SLC2A12: variants seen among roughly 807,000 people sequenced by gnomAD.
The protein encoded by SLC2A12 is solute carrier family 2, facilitated glucose transporter member 12.
In SLC2A12, 23 loss-of-function variants were observed where a neutral mutation model predicts 41.8. That is an observed-to-expected ratio of 0.55 (90% CI 0.40 to 0.78). SLC2A12 has a LOEUF of 0.78. SLC2A12 is among the 30% of genes least tolerant of loss of function. The pLI is 0.00. For synonymous variants in SLC2A12, 295 were observed against 285.9 expected (o/e 1.03, Z -0.32); for missense variants, 654 against 745.6 (o/e 0.88, Z 1.43).
At chr6:134,000,144 A>G (rs1414940092) in intron 4 of SLC2A12, among the ~76,000 whole-genome samples, 4 of 152,290 alleles carry the variant, frequency 2.6e-5, no homozygotes, top group South Asian at 4.1e-4. Context: ...TTTATTTCCC[A>G]TTGTAAATGA....
intron 2 of SLC2A12, among the ~76,000 whole-genome samples, chr6:134,018,755 T>TC: frequency 6.6e-6 from 1 of 151,856 alleles, no homozygotes; most frequent in South Asian, 2.1e-4. Flanking sequence ...GTGTGTTCAT[T>TC]TTTTTTTTCT....
At chr6:133,998,623 C>G (rs1235979607) in intron 4 of SLC2A12, among the ~76,000 whole-genome samples, 1 of 152,218 alleles carries the variant, frequency 6.6e-6, no homozygotes, top group Admixed American at 6.5e-5. Flanking sequence ...TCACTGCAGC[C>G]TCGACTTCCC....
chr6:134,021,251 A>G (rs1777036696), intron 2 of SLC2A12, among the ~76,000 whole-genome samples: 1 of 152,162 alleles, frequency 6.6e-6, no homozygotes, highest in East Asian at 1.9e-4. Context: ...AAGAAGCCCA[A>G]TTTGACATTT....
chr6:134,021,993 A>C (rs1282109524), intron 2 of SLC2A12, among the ~76,000 whole-genome samples: 1 of 152,184 alleles, frequency 6.6e-6, no homozygotes, highest in Non-Finnish European at 1.5e-5. Context: ...AGGGAGCATC[A>C]TTCACTTTGT....
In SLC2A12 at chr6:133,990,448, A is replaced by AT. The variant is rs1776605056; in HGVS notation, c.*706dup. On this transcript the variant is annotated 3_prime_UTR_variant, in exon 5 of 5. Coordinates refer to ENST00000275230, the MANE Select transcript of SLC2A12 (RefSeq NM_145176.3). ...GATTTTAAAATTGTCTTTTCTATGC[A>AT]TTTTTTAAAAATGGAAAAAAATGCT... 2 of 152,594 alleles carry AT rather than the reference A, an allele frequency of 1.3e-5. No individual in the cohort carries two copies. The highest frequency in any genetic ancestry group is 2.9e-5 in the Non-Finnish European group (2 of 68,032). 9.5% of individuals were successfully genotyped at this position (152,594 alleles called of 1,614,324 possible). A position where few individuals can be genotyped will look rare whatever the true frequency, so the allele number is the denominator to read the frequency against.
At chr6:133,994,850 A>G (rs1272507821) in intron 4 of SLC2A12, among the ~76,000 whole-genome samples, 4 of 152,212 alleles carry the variant, frequency 2.6e-5, no homozygotes, top group Non-Finnish European at 5.9e-5. Context: ...AATAGAGACC[A>G]TAGGTAAGAG....
chr6:134,007,147 G>GAGCTGGGCC, intron 2 of SLC2A12, among the ~76,000 whole-genome samples: 1 of 152,338 alleles, frequency 6.6e-6, no homozygotes, highest in Admixed American at 6.5e-5. Flanking sequence ...AACATTAGGA[G>GAGCTGGGCC]AGCTGGGCCA....
intron 1 of SLC2A12, among the ~76,000 whole-genome samples, chr6:134,032,466 T>TAAATATA (rs1562201745): frequency 3.0e-5 from 1 of 33,212 alleles, no homozygotes. Flanking sequence ...ATATATATAT[T>TAAATATA]TTTATATATA....
intron 2 of SLC2A12, among the ~76,000 whole-genome samples, chr6:134,026,566 A>C (rs1307283609): frequency 1.3e-5 from 2 of 152,256 alleles, no homozygotes; most frequent in Non-Finnish European, 2.9e-5. Flanking sequence ...ACTCAAGATA[A>C]TTGAACCCCA....
At chr6:134,024,031 C>T (rs529751089) in intron 2 of SLC2A12, among the ~76,000 whole-genome samples, 51 of 152,302 alleles carry the variant, frequency 3.3e-4, no homozygotes, top group African/African-American at 1.1e-3. Flanking sequence ...GCATTGGTGC[C>T]GGGCCCTAGC....
Position 134,007,879 on chromosome 6 carries a change from G to A in SLC2A12, c.1445-945C>T, listed in dbSNP as rs1776834005. The stretch of plus-strand genomic sequence containing the variant: ...AAGAGTTACTTGCCAAGGTCACAGA[G>A]CACTTAAGTGACAAACGTGGCATTA... On this transcript the variant is annotated intron_variant, in intron 2 of 4. Coordinates refer to ENST00000275230, the MANE Select transcript of SLC2A12 (RefSeq NM_145176.3). Among the ~76,000 whole-genome samples the A allele has an allele frequency of 2.0e-5, 3 of 152,188 alleles. No individual in the cohort carries two copies. The South Asian group carries it at 6.2e-4, about 31-fold the overall frequency.
At chr6:134,006,174 C>T (rs1224908940) in intron 3 of SLC2A12, among the ~76,000 whole-genome samples, 2 of 70,186 alleles carry the variant, frequency 2.8e-5, no homozygotes, top group South Asian at 4.5e-4. Context: ...GAGAGACTAT[C>T]GGAAAAAAAA....
rs17063228 is a variant in SLC2A12 at position 133,990,201 on chromosome 6, T to A, written c.*954A>T. 0.11 allele frequency: 16,698 copies of A among 152,672 alleles called. 1,586 individuals carry two copies. Among genetic ancestry groups the A allele is most frequent in the African/African-American group, 0.26 (10,601 of 41,502 alleles). The allele number at this position is 152,672 out of a possible 1,614,324, so 9.5% of individuals were successfully genotyped here. On this transcript the variant is annotated 3_prime_UTR_variant, in exon 5 of 5. Coordinates refer to ENST00000275230, the MANE Select transcript of SLC2A12 (RefSeq NM_145176.3). Reference sequence around the variant, plus strand: ...CTGAACATCATCATCAATTATAGCCTGTGTACCGTAACCTGAGGTAGTGAT... The same window carrying A: ...CTGAACATCATCATCAATTATAGCCAGTGTACCGTAACCTGAGGTAGTGAT...
At chr6:133,996,831 T>A (rs1397097152) in intron 4 of SLC2A12, among the ~76,000 whole-genome samples, 1 of 152,172 alleles carries the variant, frequency 6.6e-6, no homozygotes, top group Non-Finnish European at 1.5e-5. Flanking sequence ...TTTTTTTGTC[T>A]CTGACATTTC....
intron 2 of SLC2A12, among the ~76,000 whole-genome samples, chr6:134,013,119 A>C (rs1279369562): frequency 6.6e-6 from 1 of 152,046 alleles, no homozygotes; most frequent in South Asian, 2.1e-4. Context: ...CCCATCATAC[A>C]TCTCTCAAAA....
At chr6:134,013,327 T>C (rs1241155546) in intron 2 of SLC2A12, among the ~76,000 whole-genome samples, 1 of 152,032 alleles carries the variant, frequency 6.6e-6, no homozygotes, top group Non-Finnish European at 1.5e-5. Flanking sequence ...TTTTAAAATA[T>C]GACTTTAAAT....
rs779210997 is a variant in SLC2A12 at position 134,028,590 on chromosome 6, G to C, written c.1235C>G (p.Ser412Cys). The change falls in exon 2 of 5, where the codon TCT becomes TGT. Residue 412 changes from serine to cysteine, a missense_variant. Coordinates refer to ENST00000275230, the MANE Select transcript of SLC2A12 (RefSeq NM_145176.3). ...NTLRDHFKGI[S>C]SHSRSSLMPL... ...CATGAGTGAGCTTCTGCTATGGGAA[G>C]AAATCCCTTTGAAGTGGTCTCTGAG... 1.9e-6 allele frequency: 3 copies of C among 1,614,230 alleles called. No individual in the cohort carries two copies. The East Asian group carries it at 6.7e-5, about 36-fold the overall frequency.
chr6:134,005,659 T>TAAAAAAAAAA (rs56710009), intron 3 of SLC2A12, among the ~76,000 whole-genome samples: 10 of 64,970 alleles, frequency 1.5e-4, no homozygotes, highest in African/African-American at 4.7e-4. Context: ...GACTCTGTCT[T>TAAAAAAAAAA]AAAAAAAAAA....
chr6:133,997,507 G>A (rs1467102898), intron 4 of SLC2A12, among the ~76,000 whole-genome samples: 2 of 152,180 alleles, frequency 1.3e-5, no homozygotes, highest in African/African-American at 4.8e-5. Flanking sequence ...TAGCAATACG[G>A]ATGGAGCTGG....
Sources: allele counts gnomAD v4.1 joint callset (sites outside exome capture counted in the v4.1 genomes callset), GRCh38; gene constraint gnomAD v4.1.1; transcripts MANE v1.5; gene names NCBI Gene and HGNC (gene_info 2026-07-23, HGNC 2026-07-21).